Variants in ARSG observed in about 807,000 individuals in gnomAD.
ARSG encodes the protein arylsulfatase G.
In ARSG, 37 loss-of-function variants were observed where a neutral mutation model predicts 50.5. The ratio of observed to expected loss-of-function variants is 0.73; its 90% CI spans 0.56 to 0.96. The LOEUF (loss-of-function observed/expected upper bound fraction) is 0.96, where lower values mean the gene tolerates loss of function less well. Ranked by LOEUF, ARSG falls within the 50% of genes least tolerant of loss-of-function variation. The pLI is 0.00. For synonymous variants in ARSG, 225 were observed against 254.6 expected, an observed-to-expected ratio of 0.88 and a Z score of 1.11; for missense variants, 629 against 675.3, an observed-to-expected ratio of 0.93 and a Z score of 0.76.
In ARSG at chr17:68,307,437, A is replaced by G. The variant is rs1325016622; in HGVS notation, c.-57A>G. The G allele has an allele frequency of 1.4e-6, 2 of 1,400,456 alleles. No individual in the cohort carries two copies. Among genetic ancestry groups the G allele is most frequent in the Non-Finnish European group, 2.0e-6 (2 of 1,001,532 alleles). The allele number at this position is 1,400,456 out of a possible 1,614,324, so 86.8% of individuals were successfully genotyped here. Reference sequence around the variant, plus strand: ...GTGAGCAGAAAGGAAGCTCTCAGAAAAATCTCTAGTGGTGGCTGCCGTCGC... The same window carrying G: ...GTGAGCAGAAAGGAAGCTCTCAGAAGAATCTCTAGTGGTGGCTGCCGTCGC... On this transcript the variant is annotated 5_prime_UTR_variant, in exon 2 of 12. Transcript: ENST00000621439.
the ARSG span, chr17:68,436,317 A>G: frequency 1.5e-4 from 220 of 1,477,316 alleles, no homozygotes; most frequent in Non-Finnish European, 1.9e-4. Flanking sequence ...GTCCTTATCT[A>G]TCTCCTTCCA....
At chr17:68,325,012 T>C (rs1329184369) in intron 2 of ARSG, among the ~76,000 whole-genome samples, 1 of 152,096 alleles carries the variant, frequency 6.6e-6, no homozygotes, top group East Asian at 1.9e-4. Context: ...GGATTTGTCT[T>C]GTTCATTGAT....
At chr17:68,325,496 C>T (rs1033164592) in intron 2 of ARSG, among the ~76,000 whole-genome samples, 7 of 152,100 alleles carry the variant, frequency 4.6e-5, no homozygotes, top group Admixed American at 3.9e-4. Flanking sequence ...CCCTCCCAAC[C>T]CCTGTCTGTG....
In ARSG at chr17:68,307,552, A is replaced by C; in HGVS notation, c.59A>C (p.Tyr20Ser). Reference protein sequence around the residue: ...LAGVSFSGFLYPLVDFCISGK... With the variant: ...LAGVSFSGFLSPLVDFCISGK... ...GGAGTGAGTTTCTCAGGATTTCTTT[A>C]TCCTCTTGTGGATTTTTGCATCAGT... Residue 20 changes from tyrosine to serine, a missense_variant, in exon 2 of 12, where the codon TAT becomes TCT. By Grantham distance (144) the Tyr-to-Ser change is moderately radical. Coordinates refer to ENST00000621439, the MANE Select transcript of ARSG (RefSeq NM_001267727.2). 6.2e-7 allele frequency: 1 copy of C among 1,614,092 alleles called. No homozygotes were observed. The highest frequency in any genetic ancestry group is 8.5e-7 in the Non-Finnish European group (1 of 1,180,008).
intron 2 of ARSG, among the ~76,000 whole-genome samples, chr17:68,340,639 G>A (rs934958302): frequency 2.6e-5 from 4 of 152,100 alleles, no homozygotes; most frequent in African/African-American, 4.8e-5. Flanking sequence ...GGAGCCCCTC[G>A]AAGTTGACTC....
rs183707388 is a variant in ARSG, at chr17:68,376,887, T to C, written c.982+6363T>C. Among the ~76,000 whole-genome samples the C allele has an allele frequency of 2.7e-5, 4 of 149,612 alleles. No homozygotes were observed. The Admixed American group carries it at 2.7e-4, about 10-fold the overall frequency. Reference sequence around the variant, plus strand: ...CTTTTTTTTTTTTTTTGAGACAAAGTCTTGCTCTGTCGCCCAGGCTGGAGT... The same window carrying C: ...CTTTTTTTTTTTTTTTGAGACAAAGCCTTGCTCTGTCGCCCAGGCTGGAGT... On this transcript the variant is annotated intron_variant, in intron 8 of 11. Transcript: ENST00000621439.
chr17:68,437,101 T>A, the ARSG span, among the ~76,000 whole-genome samples: 47 of 152,028 alleles, frequency 3.1e-4, no homozygotes, highest in Non-Finnish European at 4.4e-4. Context: ...TTCTTCCAAT[T>A]CCATTATCCT....
intron 11 of ARSG, among the ~76,000 whole-genome samples, chr17:68,412,113 C>G (rs1230908382): frequency 6.6e-6 from 1 of 152,140 alleles, no homozygotes; most frequent in Admixed American, 6.6e-5. Context: ...GCATTTAGTC[C>G]ATTTACATTT....
chr17:68,404,027 A>C (rs2081596380), intron 11 of ARSG, among the ~76,000 whole-genome samples: 1 of 152,184 alleles, frequency 6.6e-6, no homozygotes, highest in South Asian at 2.1e-4. Flanking sequence ...GTCCCTACCA[A>C]GGACGTGAAC....
At chr17:68,415,570 C>G (rs1307377655) in intron 11 of ARSG, among the ~76,000 whole-genome samples, 1 of 152,122 alleles carries the variant, frequency 6.6e-6, no homozygotes, top group Non-Finnish European at 1.5e-5. Context: ...TCCATTGTTT[C>G]TTTGTTGACT....
intron 1 of ARSG, among the ~76,000 whole-genome samples, chr17:68,297,969 CT>C (rs56199177): frequency 1.9e-3 from 256 of 132,020 alleles, no homozygotes; most frequent in African/African-American, 6.6e-3. Flanking sequence ...TACTGTGACT[CT>C]TTTTTTTTTT....
chr17:68,278,071 G>A (rs1188663250), intron 1 of ARSG: 2 of 1,569,928 alleles, frequency 1.3e-6, no homozygotes, highest in Non-Finnish European at 1.8e-6. Context: ...TCATGGTTAG[G>A]CCGAAAGATG....
chr17:68,358,871 C>A (rs1218693449), intron 6 of ARSG, among the ~76,000 whole-genome samples: 5 of 151,106 alleles, frequency 3.3e-5, no homozygotes, highest in East Asian at 2.0e-4. Flanking sequence ...TCTTAAAAAA[C>A]CCCCAAAACC....
At chr17:68,395,831 G>A (rs929496161) in intron 10 of ARSG, among the ~76,000 whole-genome samples, 3 of 152,076 alleles carry the variant, frequency 2.0e-5, no homozygotes, top group African/African-American at 7.2e-5. Context: ...GTTGAGCTCC[G>A]AGTTCTCACT....
At chr17:68,373,065 G>T (rs1243184954) in intron 8 of ARSG, among the ~76,000 whole-genome samples, 2 of 129,500 alleles carry the variant, frequency 1.5e-5, no homozygotes, top group African/African-American at 3.0e-5. Flanking sequence ...CTAATTTTTT[G>T]TTTGTTTTTT....
chr17:68,314,138 G>T (rs2076977207), intron 2 of ARSG, among the ~76,000 whole-genome samples: 1 of 152,104 alleles, frequency 6.6e-6, no homozygotes, highest in Admixed American at 6.6e-5. Flanking sequence ...TGTGGCCCCG[G>T]GCAAACTGCA....
intron 2 of ARSG, among the ~76,000 whole-genome samples, chr17:68,312,574 AG>A (rs1233446106): frequency 5.3e-5 from 8 of 151,958 alleles, no homozygotes; most frequent in African/African-American, 1.9e-4. Context: ...AGGAGGACTC[AG>A]GGGTCAGATG....
In ARSG at chr17:68,307,381, C is replaced by T; in HGVS notation, c.-113C>T. 1 of 811,670 alleles carries T rather than the reference C, an allele frequency of 1.2e-6. No homozygotes were observed. The highest frequency in any genetic ancestry group is 2.2e-5 in the Admixed American group (1 of 44,466). 50.3% of individuals were successfully genotyped at this position (811,670 alleles called of 1,614,324 possible). A position where few individuals can be genotyped will look rare whatever the true frequency, so the allele number is the denominator to read the frequency against. On this transcript the variant is annotated 5_prime_UTR_variant, in exon 2 of 12. Transcript: ENST00000621439. ...ACCAGCATCTTCTTGCAGATTCCAC[C>T]CCTGCTCCCCAGAGACTTCCTGCTT...
intron 9 of ARSG, among the ~76,000 whole-genome samples, chr17:68,388,493 AAG>A (rs2080832173): frequency 6.6e-6 from 1 of 152,046 alleles, no homozygotes. Context: ...AGCCATATAC[AAG>A]AAGGGGAAGG....
Sources: allele counts gnomAD v4.1 joint callset (sites outside exome capture counted in the v4.1 genomes callset), GRCh38; gene constraint gnomAD v4.1.1; transcripts MANE v1.5; gene names NCBI Gene and HGNC (gene_info 2026-07-23, HGNC 2026-07-21).